The following NLGN1 variants were observed in gnomAD, a reference collection of about 807,000 sequenced individuals.
The protein encoded by NLGN1 is neuroligin 1, also known as neuroligin-1.
NLGN1 carries 12 observed loss-of-function variants against 65.5 expected under a neutral mutation model. The ratio of observed to expected loss-of-function variants is 0.18; its 90% CI spans 0.12 to 0.30. NLGN1 has a LOEUF of 0.30. NLGN1 is among the 10% of genes least tolerant of loss of function. NLGN1 has a pLI of 1.00. For missense variants in NLGN1, 750 were observed against 1,007.1 expected, an observed-to-expected ratio of 0.74 and a Z score of 3.46; for synonymous variants, 350 against 359.5, an observed-to-expected ratio of 0.97 and a Z score of 0.30.
chr3:174,224,592 G>A (rs183000014), intron 4 of NLGN1, among the ~76,000 whole-genome samples: 95 of 152,188 alleles, frequency 6.2e-4, no homozygotes, highest in Admixed American at 3.1e-3. Context: ...CCAGCTACTC[G>A]GGAGGCTGAG....
intron 3 of NLGN1, among the ~76,000 whole-genome samples, chr3:173,610,219 G>A (rs1752076276): frequency 6.6e-6 from 1 of 151,922 alleles, no homozygotes; most frequent in African/African-American, 2.4e-5. Flanking sequence ...AAGAAAAGAA[G>A]AAGTCAAAGA....
chr3:173,747,112 C>G (rs936049354), intron 3 of NLGN1, among the ~76,000 whole-genome samples: 9 of 148,204 alleles, frequency 6.1e-5, no homozygotes, highest in Non-Finnish European at 1.2e-4. Flanking sequence ...GTGTGTATAC[C>G]ACGTGTATAC....
At chr3:173,978,441 A>C (rs1718012995) in intron 4 of NLGN1, among the ~76,000 whole-genome samples, 1 of 152,088 alleles carries the variant, frequency 6.6e-6, no homozygotes, top group Non-Finnish European at 1.5e-5. Context: ...GTACGTAGAT[A>C]AAATTAAAGA....
chr3:173,771,878 A>G (rs1005661025), intron 3 of NLGN1, among the ~76,000 whole-genome samples: 2 of 151,916 alleles, frequency 1.3e-5, no homozygotes, highest in Non-Finnish European at 2.9e-5. Flanking sequence ...ATACATATAC[A>G]TGCATCTATA....
chr3:174,284,329 C>G (rs1198462007), exon 7 of NLGN1: 1 of 151,180 alleles, frequency 6.6e-6, no homozygotes, highest in East Asian at 1.9e-4. Flanking sequence ...GTTTTTAAAG[C>G]TGAAACATAA....
intron 4 of NLGN1, among the ~76,000 whole-genome samples, chr3:174,039,877 A>G (rs971112409): frequency 3.3e-5 from 5 of 152,150 alleles, no homozygotes; most frequent in African/African-American, 1.2e-4. Context: ...GAGAAATGAC[A>G]GCAAAATAAG....
chr3:173,709,292 G>A (rs1289112049), intron 3 of NLGN1, among the ~76,000 whole-genome samples: 1 of 152,110 alleles, frequency 6.6e-6, no homozygotes, highest in Non-Finnish European at 1.5e-5. Flanking sequence ...AGAAGTTGTA[G>A]TAAAGAGGGA....
chr3:173,573,785 C>T (rs528779719), intron 2 of NLGN1, among the ~76,000 whole-genome samples: 51 of 151,172 alleles, frequency 3.4e-4, no homozygotes, highest in African/African-American at 1.1e-3. Context: ...ATGAAAAGGC[C>T]GGGCGCGGTG....
chr3:174,109,001 G>T (rs150882870), intron 4 of NLGN1, among the ~76,000 whole-genome samples: 1 of 151,908 alleles, frequency 6.6e-6, no homozygotes, highest in African/African-American at 2.4e-5. Context: ...TGAATATTAG[G>T]TATATTTATA....
At chr3:173,780,380 A>C (rs1027319557) in intron 3 of NLGN1, among the ~76,000 whole-genome samples, 1 of 152,212 alleles carries the variant, frequency 6.6e-6, no homozygotes, top group African/African-American at 2.4e-5. Context: ...GTTATGTTCA[A>C]AGTATGAATC....
chr3:173,749,952 G>A (rs142304112), intron 3 of NLGN1, among the ~76,000 whole-genome samples: 61 of 152,074 alleles, frequency 4.0e-4, no homozygotes, highest in African/African-American at 1.3e-3. Context: ...TCACTCTCAC[G>A]TGAAGGTAAA....
intron 4 of NLGN1, among the ~76,000 whole-genome samples, chr3:173,957,836 T>C (rs1712485102): frequency 6.6e-6 from 1 of 152,184 alleles, no homozygotes; most frequent in Non-Finnish European, 1.5e-5. Context: ...GGGCTCCTTC[T>C]GCCCACTCAG....
chr3:173,405,053 A>G (rs750327285), intron 1 of NLGN1, among the ~76,000 whole-genome samples: 35 of 152,154 alleles, frequency 2.3e-4, no homozygotes, highest in Non-Finnish European at 4.0e-4. Flanking sequence ...GCATTAGCTT[A>G]AGAATTTAAA....
intron 2 of NLGN1, among the ~76,000 whole-genome samples, chr3:173,507,278 G>A (rs1228464756): frequency 1.3e-5 from 2 of 152,024 alleles, no homozygotes; most frequent in Non-Finnish European, 1.5e-5. Context: ...TTAACATTTT[G>A]TCACACTGAG....
At chr3:173,982,816 C>G (rs112766735) in intron 4 of NLGN1, among the ~76,000 whole-genome samples, 63 of 152,016 alleles carry the variant, frequency 4.1e-4, no homozygotes, top group Non-Finnish European at 7.6e-4. Flanking sequence ...CATATCAGGC[C>G]CAAATTTAGG....
intron 4 of NLGN1, among the ~76,000 whole-genome samples, chr3:174,071,373 T>C (rs1739819718): frequency 6.6e-6 from 1 of 152,196 alleles, no homozygotes; most frequent in Non-Finnish European, 1.5e-5. Context: ...AGGAGTAGGC[T>C]ATCCCATCTA....
intron 4 of NLGN1, among the ~76,000 whole-genome samples, chr3:173,925,434 GT>G (rs1742825062): frequency 6.6e-6 from 1 of 152,192 alleles, no homozygotes; most frequent in African/African-American, 2.4e-5. Flanking sequence ...TGCAGCTGCT[GT>G]TTTTATTTCA....
intron 4 of NLGN1, among the ~76,000 whole-genome samples, chr3:173,905,286 T>C (rs1181260215): frequency 6.6e-6 from 1 of 152,214 alleles, no homozygotes; most frequent in African/African-American, 2.4e-5. Flanking sequence ...TTACACACTT[T>C]AAATTTGCAA....
intron 4 of NLGN1, among the ~76,000 whole-genome samples, chr3:174,157,970 T>C (rs151000352): frequency 2.2e-4 from 33 of 151,920 alleles, no homozygotes; most frequent in African/African-American, 6.7e-4. Flanking sequence ...AAATTACTTA[T>C]TTTCTTCTGC....
Sources: allele counts gnomAD v4.1 joint callset (sites outside exome capture counted in the v4.1 genomes callset), GRCh38; gene constraint gnomAD v4.1.1; transcripts MANE v1.5; gene names NCBI Gene and HGNC (gene_info 2026-07-23, HGNC 2026-07-21).